Variants in WDR70 observed in about 807,000 individuals in gnomAD.
The protein encoded by WDR70 is WD repeat domain 70.
Under a neutral mutation model 88.6 loss-of-function variants are expected in WDR70, and 53 were observed. That is an observed-to-expected ratio of 0.60 (90% CI 0.48 to 0.75). The LOEUF (loss-of-function observed/expected upper bound fraction) is 0.75, where lower values mean the gene tolerates loss of function less well. WDR70 is among the 30% of genes least tolerant of loss of function. WDR70 has a pLI of 0.00. For synonymous variants in WDR70, 280 were observed against 270.0 expected (o/e 1.04, Z -0.36); for missense variants, 610 against 823.2 (o/e 0.74, Z 3.17).
chr5:37,681,656 C>T (rs1205193950), intron 10 of WDR70, among the ~76,000 whole-genome samples: 1 of 152,072 alleles, frequency 6.6e-6, no homozygotes, highest in Non-Finnish European at 1.5e-5. Flanking sequence ...TGAATTTTAT[C>T]AAAAGCCTTT....
intron 7 of WDR70, among the ~76,000 whole-genome samples, chr5:37,471,633 CT>C (rs1236479275): frequency 2.6e-5 from 4 of 150,988 alleles, no homozygotes; most frequent in Admixed American, 6.6e-5. Flanking sequence ...CATTTGCATT[CT>C]TTTTTTTATG....
intron 10 of WDR70, among the ~76,000 whole-genome samples, chr5:37,696,197 A>G (rs937144511): frequency 1.9e-4 from 29 of 152,348 alleles, no homozygotes; most frequent in African/African-American, 7.0e-4. Context: ...ATCCAATAAA[A>G]AAACCGTTGA....
chr5:37,479,320 G>A (rs1372859443), intron 7 of WDR70: 1 of 152,298 alleles, frequency 6.6e-6, no homozygotes, highest in Non-Finnish European at 1.5e-5. Context: ...AGAGTGGGAA[G>A]AGAGAGCTAC....
intron 9 of WDR70, among the ~76,000 whole-genome samples, chr5:37,562,446 CTTT>C (rs764940127): frequency 1.7e-5 from 2 of 115,514 alleles, no homozygotes; most frequent in South Asian, 2.8e-4. Flanking sequence ...GCTTAATTCT[CTTT>C]TTTTTTTTTT....
At position 37,483,309 on chromosome 5, in the gene WDR70, C is replaced by G. The variant is rs564429350; in HGVS notation, c.840+3322C>G. ...ATTAGGGAGTGGTGATGACTCTTAA[C>G]GAGCATGCTGCCTTCAAGCATCTGT... is the stretch of plus-strand genomic sequence containing the variant. On this transcript the variant is annotated intron_variant, in intron 8 of 17. Coordinates refer to ENST00000265107, the MANE Select transcript of WDR70 (RefSeq NM_018034.4). 1.7e-4 allele frequency among the ~76,000 whole-genome samples: 26 copies of G among 151,740 alleles called. No individual in the cohort carries two copies. The East Asian group carries it at 1.7e-3, about 10-fold the overall frequency.
chr5:37,633,197 CTG>C (rs991448944), intron 10 of WDR70, among the ~76,000 whole-genome samples: 4 of 152,264 alleles, frequency 2.6e-5, no homozygotes, highest in African/African-American at 7.2e-5. Context: ...TGACCCATGA[CTG>C]TAATTAGGCA....
chr5:37,745,666 TCAAAAAAGG>T (rs1278143105), intron 17 of WDR70, among the ~76,000 whole-genome samples: 1 of 150,256 alleles, frequency 6.7e-6, no homozygotes, highest in African/African-American at 2.5e-5. Context: ...CCAACAAAGA[TCAAAAAAGG>T]CAAAGAAGGG....
Position 37,740,390 on chromosome 5 carries a change from A to C in WDR70, c.1878-12096A>C, listed in dbSNP as rs141390922. On this transcript the variant is annotated intron_variant, in intron 17 of 17. Transcript: ENST00000265107. ...AAGAAAGAATAGCTACAATGTTTAA[A>C]GCTATGATTCTCTCACTATGCTCCT... Among the ~76,000 whole-genome samples, 145 of 152,350 alleles carry C rather than the reference A, an allele frequency of 9.5e-4. 4 individuals carry two copies. The East Asian group carries it at 0.027, about 28-fold the overall frequency.
At chr5:37,664,605 C>A (rs1745787933) in intron 10 of WDR70, among the ~76,000 whole-genome samples, 1 of 152,152 alleles carries the variant, frequency 6.6e-6, no homozygotes, top group African/African-American at 2.4e-5. Context: ...TTGACCTTTT[C>A]TTGGTGTTTT....
chr5:37,629,185 C>A (rs1023709295), intron 10 of WDR70, among the ~76,000 whole-genome samples: 10 of 152,112 alleles, frequency 6.6e-5, no homozygotes, highest in African/African-American at 2.4e-4. Context: ...TGACTTGACT[C>A]TTTTCTCTTG....
intron 3 of WDR70, among the ~76,000 whole-genome samples, chr5:37,382,967 C>T (rs1321551662): frequency 2.6e-5 from 4 of 151,446 alleles, no homozygotes; most frequent in South Asian, 2.1e-4. Context: ...GAGCTGAGAT[C>T]GCACCATTGC....
At chr5:37,538,056 C>T (rs547792069) in intron 9 of WDR70, among the ~76,000 whole-genome samples, 1 of 152,252 alleles carries the variant, frequency 6.6e-6, no homozygotes, top group South Asian at 2.1e-4. Flanking sequence ...TTCTCTTCTA[C>T]GTTGGTTAGC....
intron 10 of WDR70, among the ~76,000 whole-genome samples, chr5:37,625,276 CA>C (rs1251333540): frequency 2.0e-5 from 3 of 152,144 alleles, no homozygotes; most frequent in African/African-American, 7.2e-5. Context: ...AATGGCTATA[CA>C]AATTTACGTT....
At chr5:37,681,730 T>G (rs1746442707) in intron 10 of WDR70, among the ~76,000 whole-genome samples, 1 of 152,208 alleles carries the variant, frequency 6.6e-6, no homozygotes, top group Non-Finnish European at 1.5e-5. Flanking sequence ...TGAATAACAT[T>G]TATTGATTTG....
Position 37,564,022 on chromosome 5 carries a change from G to A in WDR70, c.918-41042G>A, listed in dbSNP as rs547441594. ...CTAGATGGGATGGCGGCCGGGCAGA[G>A]ACGCTCCTCACTTTCCAGACTGGGC... On this transcript the variant is annotated intron_variant, in intron 9 of 17. Transcript: ENST00000265107. Among the ~76,000 whole-genome samples, 167 of 150,212 alleles carry A rather than the reference G, an allele frequency of 1.1e-3. 3 individuals carry two copies. The highest frequency in any genetic ancestry group is 0.011 in the Admixed American group (167 of 15,090).
At chr5:37,401,901 C>A (rs1019549006) in intron 5 of WDR70, among the ~76,000 whole-genome samples, 1 of 152,058 alleles carries the variant, frequency 6.6e-6, no homozygotes, top group African/African-American at 2.4e-5. Context: ...ATATCCATTG[C>A]GTAAAACACT....
At chr5:37,405,733 T>C (rs1414592369) in intron 5 of WDR70, among the ~76,000 whole-genome samples, 1 of 152,168 alleles carries the variant, frequency 6.6e-6, no homozygotes, top group Non-Finnish European at 1.5e-5. Context: ...AGCTTATATT[T>C]ATTTTACCTC....
chr5:37,499,662 C>T (rs1253820899), intron 8 of WDR70, among the ~76,000 whole-genome samples: 2 of 149,742 alleles, frequency 1.3e-5, no homozygotes, highest in South Asian at 2.1e-4. Flanking sequence ...CCAGCCTGGG[C>T]TCAAACGATC....
At chr5:37,535,677 C>T (rs923460845) in intron 9 of WDR70, among the ~76,000 whole-genome samples, 1 of 152,182 alleles carries the variant, frequency 6.6e-6, no homozygotes, top group African/African-American at 2.4e-5. Context: ...GATACTAGCT[C>T]ATAATAGTTA....
Sources: allele counts gnomAD v4.1 joint callset (sites outside exome capture counted in the v4.1 genomes callset), GRCh38; gene constraint gnomAD v4.1.1; transcripts MANE v1.5; gene names NCBI Gene and HGNC (gene_info 2026-07-23, HGNC 2026-07-21).